Variants in SLC25A13 observed in about 807,000 individuals in gnomAD.
SLC25A13 encodes solute carrier family 25 member 13, also known as electrogenic aspartate/glutamate antiporter SLC25A13, mitochondrial.
Under a neutral mutation model 85.5 loss-of-function variants are expected in SLC25A13, and 70 were observed. The observed-to-expected ratio is 0.82, with a 90% confidence interval of 0.68 to 1.00. The LOEUF (loss-of-function observed/expected upper bound fraction) is 1.00. SLC25A13 is among the 50% of genes least tolerant of loss of function. The pLI is 0.00. For synonymous variants in SLC25A13, 259 were observed against 288.7 expected (o/e 0.90, Z 1.04); for missense variants, 765 against 819.8 (o/e 0.93, Z 0.82).
At chr7:96,261,030 CTT>C (rs1425520057) in intron 3 of SLC25A13, among the ~76,000 whole-genome samples, 1 of 152,096 alleles carries the variant, frequency 6.6e-6, no homozygotes, top group Non-Finnish European at 1.5e-5. Flanking sequence ...TAGCTGGTCT[CTT>C]TGCTGCTTCT....
chr7:96,125,841 ATATT>A (rs1231474529), intron 15 of SLC25A13, among the ~76,000 whole-genome samples: 7 of 134,370 alleles, frequency 5.2e-5, no homozygotes, highest in African/African-American at 1.6e-4. Flanking sequence ...CTAACGCTTG[ATATT>A]TAATTATGGC....
At chr7:96,260,359 T>C (rs1197498897) in intron 3 of SLC25A13, among the ~76,000 whole-genome samples, 2 of 151,950 alleles carry the variant, frequency 1.3e-5, no homozygotes, top group Non-Finnish European at 2.9e-5. Context: ...ATAAAAGGGT[T>C]CCTACTGGCC....
chr7:96,165,966 AC>A (rs1156765560), intron 13 of SLC25A13, among the ~76,000 whole-genome samples: 1 of 152,252 alleles, frequency 6.6e-6, no homozygotes, highest in Non-Finnish European at 1.5e-5. Context: ...GGCTGGACAA[AC>A]TGGCATAAAC....
intron 13 of SLC25A13, among the ~76,000 whole-genome samples, chr7:96,148,877 A>T (rs956544899): frequency 1.2e-4 from 18 of 152,204 alleles, no homozygotes; most frequent in Non-Finnish European, 2.1e-4. Context: ...CATCTCACTT[A>T]CTATGAAGAT....
intron 11 of SLC25A13, among the ~76,000 whole-genome samples, chr7:96,174,142 C>A (rs1213197967): frequency 6.6e-6 from 1 of 152,224 alleles, no homozygotes; most frequent in Non-Finnish European, 1.5e-5. Context: ...CTGTCCCCAT[C>A]ACCTTTGGGT....
At chr7:96,124,679 T>C (rs754648319) in intron 15 of SLC25A13, among the ~76,000 whole-genome samples, 3 of 152,222 alleles carry the variant, frequency 2.0e-5, no homozygotes, top group Non-Finnish European at 4.4e-5. Context: ...ATGACTAGAT[T>C]TTCTTTCAAA....
chr7:96,146,775 A>C, intron 13 of SLC25A13, 79 bp from the exon 14 acceptor site: 229 of 1,482,668 alleles, frequency 1.5e-4, no homozygotes, highest in Non-Finnish European at 2.0e-4. Flanking sequence ...GATTATTCTC[A>C]AGGATAAAAA....
intron 13 of SLC25A13, among the ~76,000 whole-genome samples, chr7:96,155,959 C>T (rs1793246532): frequency 2.6e-5 from 4 of 152,212 alleles, no homozygotes; most frequent in Admixed American, 6.5e-5. Context: ...AGAACCATTA[C>T]GCCTAGTTGT....
chr7:96,220,786 CAT>C (rs1477681948), intron 4 of SLC25A13, among the ~76,000 whole-genome samples: 1 of 152,154 alleles, frequency 6.6e-6, no homozygotes, highest in African/African-American at 2.4e-5. Context: ...CACACACACA[CAT>C]GCACACACAA....
intron 13 of SLC25A13, among the ~76,000 whole-genome samples, chr7:96,168,773 A>C (rs1022425381): frequency 6.6e-5 from 10 of 152,128 alleles, no homozygotes; most frequent in African/African-American, 2.4e-4. Flanking sequence ...CCTACCAAAA[A>C]ACCCTGCTAT....
chr7:96,226,846 A>G (rs1425173487), intron 4 of SLC25A13, among the ~76,000 whole-genome samples: 3 of 152,104 alleles, frequency 2.0e-5, no homozygotes, highest in African/African-American at 7.2e-5. Flanking sequence ...GTTACAAATG[A>G]CTAGGCAATT....
At chr7:96,281,410 G>T (rs201456871) in intron 2 of SLC25A13, among the ~76,000 whole-genome samples, 2 of 142,766 alleles carry the variant, frequency 1.4e-5, no homozygotes, top group African/African-American at 2.6e-5. Context: ...AAAAAAAAAA[G>T]AATAAACTAA....
At chr7:96,173,709 C>A (rs1246290442) in intron 11 of SLC25A13, among the ~76,000 whole-genome samples, 1 of 152,192 alleles carries the variant, frequency 6.6e-6, no homozygotes, top group Non-Finnish European at 1.5e-5. Flanking sequence ...GCCATCTCAC[C>A]TGTCCTGAGT....
intron 1 of SLC25A13, among the ~76,000 whole-genome samples, chr7:96,309,338 A>G (rs1360184549): frequency 6.6e-6 from 1 of 152,146 alleles, no homozygotes; most frequent in African/African-American, 2.4e-5. Flanking sequence ...CTGTAGTCAT[A>G]GAGATTCATC....
At chr7:96,164,677 T>A (rs1213888773) in intron 13 of SLC25A13, among the ~76,000 whole-genome samples, 1 of 149,560 alleles carries the variant, frequency 6.7e-6, no homozygotes, top group Non-Finnish European at 1.5e-5. Context: ...TTATTTTTAC[T>A]ACAAATGGCT....
chr7:96,262,564 A>C (rs1173942934), intron 3 of SLC25A13, among the ~76,000 whole-genome samples: 1 of 152,162 alleles, frequency 6.6e-6, no homozygotes, highest in Non-Finnish European at 1.5e-5. Flanking sequence ...GTTTTTCATA[A>C]GTGTGGGTAT....
intron 3 of SLC25A13, among the ~76,000 whole-genome samples, chr7:96,267,117 G>A (rs1239801112): frequency 6.6e-6 from 1 of 152,162 alleles, no homozygotes; most frequent in Non-Finnish European, 1.5e-5. Context: ...TAACTTGACA[G>A]ATGATGAGCA....
At chr7:96,248,222 T>C (rs1275111819) in intron 3 of SLC25A13, among the ~76,000 whole-genome samples, 1 of 152,130 alleles carries the variant, frequency 6.6e-6, no homozygotes, top group East Asian at 1.9e-4. Context: ...AAATTGTCAA[T>C]GTTAATTTTA....
chr7:96,174,729 CCA>C (rs1286591741), intron 11 of SLC25A13, among the ~76,000 whole-genome samples: 2 of 152,176 alleles, frequency 1.3e-5, no homozygotes, highest in Non-Finnish European at 2.9e-5. Context: ...AAAAAACAGG[CCA>C]CAGAGCCTAA....
Sources: allele counts gnomAD v4.1 joint callset (sites outside exome capture counted in the v4.1 genomes callset), GRCh38; gene constraint gnomAD v4.1.1; transcripts MANE v1.5; gene names NCBI Gene and HGNC (gene_info 2026-07-23, HGNC 2026-07-21).